TPM4: variants seen among roughly 807,000 people sequenced by gnomAD.
TPM4 encodes tropomyosin alpha-4 chain.
In TPM4, 17 loss-of-function variants were observed where a neutral mutation model predicts 35.8. The observed-to-expected ratio is 0.47, with a 90% CI of 0.32 to 0.71. TPM4 has a LOEUF of 0.71. Ranked by LOEUF, TPM4 falls within the 30% of genes least tolerant of loss-of-function variation. The pLI is 0.03. For synonymous variants in TPM4, 120 were observed against 122.9 expected, an observed-to-expected ratio of 0.98 and a Z score of 0.15; for missense variants, 240 against 320.9, an observed-to-expected ratio of 0.75 and a Z score of 1.93.
intron 5 of TPM4, among the ~76,000 whole-genome samples, chr19:16,090,480 C>T (rs1773264288): frequency 6.6e-6 from 1 of 151,854 alleles, no homozygotes; most frequent in South Asian, 2.1e-4. Context: ...TCTTGAACTC[C>T]TGGCCTCAAG....
upstream of TPM4, chr19:16,076,473 C>T (rs1216635273): frequency 7.5e-7 from 1 of 1,334,080 alleles, no homozygotes; most frequent in African/African-American, 1.6e-5. Flanking sequence ...CAGGCAAAGG[C>T]TTGGGGGGCC....
chr19:16,083,997 G>C (rs1195479019), intron 2 of TPM4, among the ~76,000 whole-genome samples: 1 of 152,040 alleles, frequency 6.6e-6, no homozygotes, highest in Non-Finnish European at 1.5e-5. Context: ...CGTGATCTCA[G>C]CTCACTACAA....
At chr19:16,077,021 G>T (rs923478944) in intron 1 of TPM4, 164 of 284,488 alleles carry the variant, frequency 5.8e-4, no homozygotes, top group African/African-American at 3.3e-3. Flanking sequence ...GGGGCGTATC[G>T]TGCAGGCTCC....
chr19:16,075,087 CA>C (rs369129539), upstream of TPM4: 15 of 147,974 alleles, frequency 1.0e-4, no homozygotes, highest in African/African-American at 2.5e-4. Context: ...GCGAGACTCT[CA>C]AAAAAAAAAG....
In TPM4 at chr19:16,070,283, G is replaced by A. The variant is rs888466092; in HGVS notation, c.114+2545G>A. 6.6e-6 allele frequency among the ~76,000 whole-genome samples: 1 copy of A among 152,172 alleles called. No homozygotes were observed. The highest frequency in any genetic ancestry group is 1.5e-5 in the Non-Finnish European group (1 of 68,024). On this transcript the variant is annotated intron_variant, in intron 2 of 2. Transcript: ENST00000589897. This position sits in a 1 kb window ranked among gnomAD's most constrained non-coding sequence, Gnocchi z 7.4. Reference sequence around the variant, plus strand: ...CAATGAGAATGCATTGGAGTTCCAAGGCCGTGGCCATGGTTTGGGGCAGAG... The same window carrying A: ...CAATGAGAATGCATTGGAGTTCCAAAGCCGTGGCCATGGTTTGGGGCAGAG...
intron 2 of TPM4, chr19:16,068,048 A>G (rs2090315785): frequency 2.3e-6 from 1 of 437,082 alleles, no homozygotes; most frequent in South Asian, 2.7e-5. Context: ...GAGGTTGTGT[A>G]CTAGATAGGG....
At chr19:16,079,460 G>A (rs1396534742) in intron 1 of TPM4, among the ~76,000 whole-genome samples, 1 of 152,170 alleles carries the variant, frequency 6.6e-6, no homozygotes, top group Non-Finnish European at 1.5e-5. Context: ...CCATTCATGG[G>A]AAGGCCTCAG....
chr19:16,087,959 T>C (rs1208858211), intron 3 of TPM4, 68 bp from the exon 4 acceptor site: 2 of 1,533,788 alleles, frequency 1.3e-6, no homozygotes, highest in East Asian at 4.6e-5. Context: ...TTGGGGGCTG[T>C]CTGCAGTGGA....
At chr19:16,092,546 T>C (rs896652859) in intron 5 of TPM4, among the ~76,000 whole-genome samples, 1 of 151,656 alleles carries the variant, frequency 6.6e-6, no homozygotes, top group African/African-American at 2.4e-5. Context: ...TTTTTTTTTT[T>C]CTTTTTGAGA....
At chr19:16,081,879 C>G in intron 1 of TPM4, 34 bp from the exon 2 acceptor site, 1 of 1,553,888 alleles carries the variant, frequency 6.4e-7, no homozygotes, top group Non-Finnish European at 8.8e-7. Flanking sequence ...TGGCCTGATA[C>G]TTCTTAACAT....
chr19:16,069,693 T>G (rs988705862), intron 2 of TPM4, among the ~76,000 whole-genome samples: 1 of 151,018 alleles, frequency 6.6e-6, no homozygotes, highest in African/African-American at 2.4e-5. Flanking sequence ...GGTGTGTGTG[T>G]GGATAAGTGT....
At chr19:16,095,205 C>G in intron 7 of TPM4, 1 of 1,005,524 alleles carries the variant, frequency 9.9e-7, no homozygotes, top group Non-Finnish European at 1.2e-6. Flanking sequence ...TCCATTCCGA[C>G]CCTTGCCTTC....
chr19:16,076,173 G>A (rs1355737011), upstream of TPM4: 2 of 1,556,402 alleles, frequency 1.3e-6, no homozygotes, highest in Non-Finnish European at 1.7e-6. Context: ...GGCCTCCGAC[G>A]TACGTGTGCA....
intron 1 of TPM4, chr19:16,079,622 A>T (rs146628115): frequency 9.0e-6 from 2 of 221,194 alleles, no homozygotes; most frequent in African/African-American, 4.5e-5. Context: ...CTATTTGTGT[A>T]GTTTTTCGGC....
At chr19:16,088,837 T>TG in intron 4 of TPM4, 1 of 1,358,080 alleles carries the variant, frequency 7.4e-7, no homozygotes. Context: ...CGGGCGCACC[T>TG]CGCCTCTGCC....
rs747603309 is a variant in TPM4, at chr19:16,076,523, C to T, written c.-43C>T. On this transcript the variant is annotated 5_prime_UTR_variant, in exon 1 of 8. Coordinates refer to ENST00000643579, the MANE Select transcript of TPM4 (RefSeq NM_003290.3). ...CAGCTCTCGCCGGAGCCGAGCCCAG[C>T]CGAGCGTCCGCCGCTGCCCGTGCGC... 4.3e-6 allele frequency: 6 copies of T among 1,400,436 alleles called. No individual in the cohort carries two copies. In the African/African-American group the frequency reaches 7.5e-5, roughly 18 times the overall value. The allele number at this position is 1,400,436 out of a possible 1,614,324, so 86.8% of individuals were successfully genotyped here.
upstream of TPM4, chr19:16,075,879 G>A (rs1429459238): frequency 1.3e-5 from 13 of 964,164 alleles, no homozygotes; most frequent in Non-Finnish European, 3.0e-6. Flanking sequence ...CTATCAGGTA[G>A]CATGGATGGC....
chr19:16,078,577 C>T (rs961182931), intron 1 of TPM4, among the ~76,000 whole-genome samples: 4 of 152,314 alleles, frequency 2.6e-5, no homozygotes, highest in African/African-American at 9.6e-5. Flanking sequence ...CACACTTAAC[C>T]GACACAGCTC....
At chr19:16,088,125 G>A (rs1389283995) in intron 4 of TPM4, 28 bp downstream of exon 4, 2 of 1,599,444 alleles carry the variant, frequency 1.3e-6, no homozygotes, top group Non-Finnish European at 1.7e-6. Context: ...ACTGAGCGAG[G>A]CTGGCTCGAT....
Sources: allele counts gnomAD v4.1 joint callset (sites outside exome capture counted in the v4.1 genomes callset), GRCh38; gene constraint gnomAD v4.1.1; non-coding constraint Gnocchi (gnomAD v3.1); transcripts MANE v1.5; gene names NCBI Gene and HGNC (gene_info 2026-07-23, HGNC 2026-07-21).